The following MSH6 variants were observed in gnomAD, a reference collection of about 807,000 sequenced individuals.
The protein encoded by MSH6 is mutS homolog 6.
In MSH6, 85 loss-of-function variants were observed where a neutral mutation model predicts 119.1. That is an observed-to-expected ratio of 0.71 (90% confidence interval 0.60 to 0.85). The LOEUF (loss-of-function observed/expected upper bound fraction) is 0.85, where lower values mean the gene tolerates loss of function less well. MSH6 is among the 40% of genes least tolerant of loss of function. The probability of loss-of-function intolerance (pLI) is 0.00; values close to 1 mark genes in which losing one functional copy is unlikely to be tolerated. For missense variants in MSH6, 2,163 were observed against 1,655.3 expected, an observed-to-expected ratio of 1.31 and a Z score of -5.32; for synonymous variants, 830 against 586.9, an observed-to-expected ratio of 1.41 and a Z score of -5.99.
intron 2 of MSH6, among the ~76,000 whole-genome samples, chr2:47,793,284 G>A (rs1451365472): frequency 4.2e-5 from 5 of 119,728 alleles, no homozygotes; most frequent in African/African-American, 1.3e-4. Context: ...TCATGCCACC[G>A]CACTCCAACC....
chr2:47,799,286 C>G lies in MSH6; in HGVS notation c.1303C>G (p.Leu435Val), dbSNP rs876660441. Residue 435 changes from leucine (L) to valine (V), a missense_variant, in exon 4 of 10, where the codon CTG (leucine) becomes GTG (valine). Coordinates refer to ENST00000234420, the MANE Select transcript of MSH6 (RefSeq NM_000179.3). ...ICYKVGKFYE[L>V]YHMDALIGVS... is the part of the protein sequence containing the mutation. Reference sequence around the variant, plus strand: ...TTACAAGGTGGGGAAATTTTATGAGCTGTACCACATGGATGCTCTTATTGG... The same window carrying G: ...TTACAAGGTGGGGAAATTTTATGAGGTGTACCACATGGATGCTCTTATTGG... 1 of 1,614,004 alleles carries G rather than the reference C, an allele frequency of 6.2e-7. No homozygotes were observed. The highest frequency in any genetic ancestry group is 8.5e-7 in the Non-Finnish European group (1 of 1,180,028).
Position 47,806,870 on chromosome 2 carries a change from A to ATT in MSH6, c.*11_*12dup. ...GATTAAGGAATTATAGACTGACTAC[A>ATT]TTGGAAGCTTTGAGTTGACTTCTGA... is the stretch of plus-strand genomic sequence containing the variant. On this transcript the variant is annotated 3_prime_UTR_variant, in exon 10 of 10. Transcript: ENST00000234420. The ATT allele has an allele frequency of 6.3e-7, 1 of 1,599,186 alleles. No homozygotes were observed. Among genetic ancestry groups the ATT allele is most frequent in the South Asian group, 1.1e-5 (1 of 90,772 alleles).
chr2:47,804,617 T>C (rs879874180), intron 5 of MSH6, among the ~76,000 whole-genome samples: 3 of 152,104 alleles, frequency 2.0e-5, no homozygotes, highest in Admixed American at 2.0e-4. Context: ...CTCAGTAGTT[T>C]TAAAGAGCTC....
rs56371757 is a variant in MSH6, at chr2:47,800,255, C to T, written c.2272C>T (p.Leu758=). 3,909 of 1,614,002 alleles carry T rather than the reference C, an allele frequency of 2.4e-3. 72 individuals carry two copies. In the African/African-American group the frequency reaches 0.043, roughly 18 times the overall value. The change falls in exon 4 of 10, where the codon CTA becomes TTA. Residue 758 remains leucine (L), a synonymous_variant. Coordinates refer to ENST00000234420, the MANE Select transcript of MSH6 (RefSeq NM_000179.3). ...NGTNGSTEGT[L]LERVDTCHTP... Reference sequence around the variant, plus strand: ...AACAAATGGTTCTACTGAAGGAACCCTACTAGAGAGGGTTGATACTTGCCA... The same window carrying T: ...AACAAATGGTTCTACTGAAGGAACCTTACTAGAGAGGGTTGATACTTGCCA...
Position 47,791,150 on chromosome 2 carries a change from G to T in MSH6, c.457+27G>T, listed in dbSNP as rs376985059. The T allele has an allele frequency of 1.2e-5, 19 of 1,586,432 alleles. No individual in the cohort carries two copies. The highest frequency in any genetic ancestry group is 1.6e-5 in the Non-Finnish European group (18 of 1,156,544). On this transcript the variant is annotated intron_variant, in intron 2 of 9. Coordinates refer to ENST00000234420, the MANE Select transcript of MSH6 (RefSeq NM_000179.3). ...TAAGAGTCACTACTGCCATGTGTGT[G>T]TGTTTGTGTGTGTGTGTGTGTGTGT...
intron 2 of MSH6, among the ~76,000 whole-genome samples, chr2:47,794,966 T>C (rs1207558930): frequency 1.3e-5 from 2 of 152,172 alleles, no homozygotes; most frequent in Non-Finnish European, 2.9e-5. Flanking sequence ...AGCTAATTTT[T>C]GTATTTTTAG....
chr2:47,794,085 A>T (rs1638585004), intron 2 of MSH6, among the ~76,000 whole-genome samples: 1 of 151,308 alleles, frequency 6.6e-6, no homozygotes, highest in Non-Finnish European at 1.5e-5. Flanking sequence ...TCACGCCTGT[A>T]ATCCCAGCAC....
At position 47,783,481 on chromosome 2, in the gene MSH6, C is replaced by A. The variant is rs876661197; in HGVS notation, c.248C>A (p.Ala83Asp). 2 of 1,431,812 alleles carry A rather than the reference C, an allele frequency of 1.4e-6. No individual in the cohort carries two copies. Among genetic ancestry groups the A allele is most frequent in the Non-Finnish European group, 1.8e-6 (2 of 1,092,422 alleles). 88.7% of individuals were successfully genotyped at this position (1,431,812 alleles called of 1,614,324 possible). A position where few individuals can be genotyped will look rare whatever the true frequency, so the allele number is the denominator to read the frequency against. Residue 83 changes from alanine to aspartate, a missense_variant, in exon 1 of 10, where the codon GCT becomes GAT. Physicochemically the swap from Ala to Asp is moderately radical, Grantham distance 126. Transcript: ENST00000234420. ...NGGLRRSVAP[A>D]APTSCDFSPG... ...GGGCTGCGGAGATCGGTAGCGCCTG[C>A]TGCCCCCACCAGGTAGCGGGGTGGG...
downstream of MSH6, chr2:47,808,270 T>G: frequency 6.2e-7 from 1 of 1,612,480 alleles, no homozygotes; most frequent in Non-Finnish European, 8.5e-7. Context: ...GAAACCCAAA[T>G]ATTAGAAAAG....
chr2:47,788,906 C>CTTTTTTTTTTTTTTTT lies in MSH6; in HGVS notation c.261-2021_261-2020insTTTTTTTTTTTTTTTT, dbSNP rs1491155839. Among the ~76,000 whole-genome samples, 84 of 15,828 alleles carry CTTTTTTTTTTTTTTTT rather than the reference C, an allele frequency of 5.3e-3. 12 individuals are homozygous for CTTTTTTTTTTTTTTTT. The highest frequency in any genetic ancestry group is 0.018 in the East Asian group (14 of 796). 10.4% of individuals were successfully genotyped at this position (15,828 alleles called of 152,430 possible). On this transcript the variant is annotated intron_variant, in intron 1 of 9. Coordinates refer to ENST00000234420, the MANE Select transcript of MSH6 (RefSeq NM_000179.3). Reference sequence around the variant, plus strand: ...GCTATTTCTTTCTTTCTTTCTTCTTCCTTTTTTTTTTTTTTGTTTTTTTTT... The same window carrying CTTTTTTTTTTTTTTTT: ...GCTATTTCTTTCTTTCTTTCTTCTTCTTTTTTTTTTTTTTTTCTTTTTTTTTTTTTTGTTTTTTTTT...
downstream of MSH6, chr2:47,808,587 G>C: frequency 1.9e-6 from 1 of 537,338 alleles, no homozygotes; most frequent in Non-Finnish European, 3.2e-6. Flanking sequence ...CTTTAATGGA[G>C]TAAGTGATTT....
intron 1 of MSH6, among the ~76,000 whole-genome samples, chr2:47,788,500 G>A (rs1417722812): frequency 2.0e-5 from 3 of 148,754 alleles, no homozygotes; most frequent in Non-Finnish European, 4.4e-5. Flanking sequence ...TGATCAACCC[G>A]CCTTGGCCTT....
At position 47,797,398 on chromosome 2, in the gene MSH6, T is replaced by A. The variant is rs146363130; in HGVS notation, c.628-1213T>A. 2.0e-5 allele frequency among the ~76,000 whole-genome samples: 3 copies of A among 152,344 alleles called. No individual in the cohort carries two copies. In the East Asian group the frequency reaches 5.8e-4, roughly 29 times the overall value. Reference sequence around the variant, plus strand: ...ACATTATCAGAGGTCTAGAACTGGATGGCAGCTACAGAGATCATTTAGCCT... The same window carrying A: ...ACATTATCAGAGGTCTAGAACTGGAAGGCAGCTACAGAGATCATTTAGCCT... On this transcript the variant is annotated intron_variant, in intron 3 of 9. Transcript: ENST00000234420.
rs63749893 is a variant in MSH6 at position 47,799,660 on chromosome 2, C to T, written c.1677C>T (p.Cys559=). ...SSGHTRAYGV[C]FVDTSLGKFF... Reference sequence around the variant, plus strand: ...GCCATACTCGTGCATATGGTGTGTGCTTTGTTGATACTTCACTGGGAAAGT... The same window carrying T: ...GCCATACTCGTGCATATGGTGTGTGTTTTGTTGATACTTCACTGGGAAAGT... The change falls in exon 4 of 10, where the codon TGC becomes TGT. Residue 559 remains cysteine (C), a synonymous_variant. Coordinates refer to ENST00000234420, the MANE Select transcript of MSH6 (RefSeq NM_000179.3). 8.7e-6 allele frequency: 14 copies of T among 1,613,954 alleles called. No individual in the cohort carries two copies. The highest frequency in any genetic ancestry group is 6.7e-5 in the Admixed American group (4 of 59,978).
downstream of MSH6, chr2:47,807,291 CAT>C (rs1491466087): frequency 8.7e-5 from 19 of 218,460 alleles, no homozygotes; most frequent in Admixed American, 7.9e-4. Context: ...GTACTTAAAA[CAT>C]AGTAGTTTTT....
In MSH6 at chr2:47,791,134, C is replaced by T. The variant is rs2104113518; in HGVS notation, c.457+11C>T. 5.6e-6 allele frequency: 9 copies of T among 1,611,228 alleles called. No homozygotes were observed. Among genetic ancestry groups the T allele is most frequent in the Non-Finnish European group, 7.6e-6 (9 of 1,177,614 alleles). ...TAAAGCCATATACAGGTAAGAGTCA[C>T]TACTGCCATGTGTGTGTGTTTGTGT... On this transcript the variant is annotated intron_variant, in intron 2 of 9. Transcript: ENST00000234420.
In MSH6 at chr2:47,806,200, A is replaced by C. The variant is rs1464965737; in HGVS notation, c.3647-4A>C. 1.5e-5 allele frequency: 24 copies of C among 1,613,654 alleles called. No homozygotes were observed. The Admixed American group carries it at 4.0e-4, about 27-fold the overall frequency. On this transcript the variant is annotated splice_polypyrimidine_tract_variant and splice_region_variant and intron_variant, in intron 7 of 9. Transcript: ENST00000234420. The stretch of plus-strand genomic sequence containing the variant: ...ACTTCCTTATGCATATTTTACTTTA[A>C]CAGGAAGAGGTACTGCAACATTTGA...
At position 47,799,370 on chromosome 2, in the gene MSH6, G is replaced by C. The variant is rs864622435; in HGVS notation, c.1387G>C (p.Glu463Gln). The change falls in exon 4 of 10, where the codon GAA (glutamate) becomes CAA (glutamine). Residue 463 changes from glutamate (E) to glutamine (Q), a missense_variant. Coordinates refer to ENST00000234420, the MANE Select transcript of MSH6 (RefSeq NM_000179.3). The stretch of plus-strand genomic sequence containing the variant: ...CAACTGGGCCCATTCTGGCTTTCCT[G>C]AAATTGCATTTGGCCGTTATTCAGA... ...KGNWAHSGFPEIAFGRYSDSL... is the reference protein window; with the variant it reads ...KGNWAHSGFPQIAFGRYSDSL... The C allele has an allele frequency of 6.2e-7, 1 of 1,614,122 alleles. No individual in the cohort carries two copies. Among genetic ancestry groups the C allele is most frequent in the Non-Finnish European group, 8.5e-7 (1 of 1,180,042 alleles).
At chr2:47,789,651 A>AC (rs1383889050) in intron 1 of MSH6, among the ~76,000 whole-genome samples, 1 of 151,798 alleles carries the variant, frequency 6.6e-6, no homozygotes, top group African/African-American at 2.4e-5. Context: ...TGGTTGCAGG[A>AC]CCCCCCTGTG....
Sources: gnomAD v4.1 joint callset for allele counts (sites outside exome capture counted in the v4.1 genomes callset) on GRCh38, gnomAD v4.1.1 for gene constraint, MANE v1.5 for transcripts, NCBI Gene and HGNC (gene_info 2026-07-23, HGNC 2026-07-21) for gene names.